NRG1: variants seen among roughly 807,000 people sequenced by gnomAD.
NRG1 encodes the protein pro-neuregulin-1, membrane-bound isoform.
A neutral mutation model predicts 63.8 loss-of-function variants in NRG1; 18 were observed. The observed-to-expected ratio is 0.28, with a 90% confidence interval of 0.19 to 0.42. The LOEUF (loss-of-function observed/expected upper bound fraction) is 0.42, where lower values mean the gene tolerates loss of function less well. Ranked by LOEUF, NRG1 falls within the 10% of genes least tolerant of loss-of-function variation. The pLI, the probability that NRG1 is intolerant of heterozygous loss-of-function variation, is 1.00. For missense variants in NRG1, 762 were observed against 814.7 expected (o/e 0.94, Z 0.79); for synonymous variants, 302 against 301.3 (o/e 1.00, Z -0.02).
chr8:32,234,764 T>G (rs934710236), intron 1 of NRG1, among the ~76,000 whole-genome samples: 1 of 152,108 alleles, frequency 6.6e-6, no homozygotes, highest in African/African-American at 2.4e-5. Flanking sequence ...GGAAATGTGG[T>G]TTTTGTTCCC....
intron 5 of NRG1, among the ~76,000 whole-genome samples, chr8:32,635,653 T>A (rs1162071709): frequency 1.3e-5 from 2 of 152,210 alleles, no homozygotes; most frequent in African/African-American, 4.8e-5. Context: ...ATTCTGTGCA[T>A]GAGATTTCTA....
At chr8:31,697,082 T>C (rs1035620521) in intron 1 of NRG1, among the ~76,000 whole-genome samples, 5 of 152,142 alleles carry the variant, frequency 3.3e-5, no homozygotes, top group Non-Finnish European at 5.9e-5. Flanking sequence ...ATCTGTGAAG[T>C]TTTCTTTTTC....
chr8:31,774,396 C>T (rs910023206), intron 1 of NRG1, among the ~76,000 whole-genome samples: 37 of 152,082 alleles, frequency 2.4e-4, no homozygotes, highest in Non-Finnish European at 4.4e-5. Flanking sequence ...TTCCTGCCTT[C>T]CTGTCTAGAG....
At chr8:32,084,559 T>G (rs1162599017) in intron 1 of NRG1, among the ~76,000 whole-genome samples, 1 of 152,172 alleles carries the variant, frequency 6.6e-6, no homozygotes, top group Non-Finnish European at 1.5e-5. Context: ...CTAATTGAGT[T>G]TTTAAAAAAA....
chr8:31,840,574 C>T lies in NRG1; in HGVS notation c.37+201143C>T, dbSNP rs148742513. On this transcript the variant is annotated intron_variant, in intron 1 of 10. Transcript: ENST00000519301. Reference sequence around the variant, plus strand: ...TCTTACCTCGCACTAGTTAGTTATGCGTGGTACTTGATCCATAATCTTCTG... The same window carrying T: ...TCTTACCTCGCACTAGTTAGTTATGTGTGGTACTTGATCCATAATCTTCTG... Among the ~76,000 whole-genome samples the T allele has an allele frequency of 2.2e-4, 33 of 152,136 alleles. No individual in the cohort carries two copies. In the East Asian group the frequency reaches 5.0e-3, roughly 23 times the overall value.
At chr8:31,804,384 G>T (rs913169936) in intron 1 of NRG1, among the ~76,000 whole-genome samples, 1 of 152,084 alleles carries the variant, frequency 6.6e-6, no homozygotes, top group African/African-American at 2.4e-5. Context: ...CATGCTGGTT[G>T]ATACCCCGAA....
At chr8:31,642,020 C>T (rs940314639) in intron 1 of NRG1, among the ~76,000 whole-genome samples, 1 of 152,136 alleles carries the variant, frequency 6.6e-6, no homozygotes, top group African/African-American at 2.4e-5. Flanking sequence ...GAACAATGTA[C>T]TTTGTATGCC....
At chr8:31,662,947 G>T (rs1806149331) in intron 1 of NRG1, among the ~76,000 whole-genome samples, 1 of 151,884 alleles carries the variant, frequency 6.6e-6, no homozygotes, top group African/African-American at 2.4e-5. Flanking sequence ...TCATTTTTTG[G>T]GGCCCTTCTC....
chr8:31,895,079 T>A (rs1000256461), intron 1 of NRG1, among the ~76,000 whole-genome samples: 1 of 152,250 alleles, frequency 6.6e-6, no homozygotes, highest in Non-Finnish European at 1.5e-5. Flanking sequence ...ACTGCCTGGA[T>A]TTGGCATCAT....
chr8:31,957,870 C>G (rs1474818207), intron 1 of NRG1, among the ~76,000 whole-genome samples: 1 of 152,146 alleles, frequency 6.6e-6, no homozygotes, highest in African/African-American at 2.4e-5. Flanking sequence ...TCTACCCCAT[C>G]AGAGAACATG....
chr8:32,526,587 G>A (rs972657003), intron 1 of NRG1, among the ~76,000 whole-genome samples: 9 of 152,014 alleles, frequency 5.9e-5, no homozygotes, highest in Non-Finnish European at 1.3e-4. Flanking sequence ...TAAACACATG[G>A]GTCCAAGTCT....
At chr8:31,998,930 A>G (rs1812469511) in intron 1 of NRG1, among the ~76,000 whole-genome samples, 1 of 152,048 alleles carries the variant, frequency 6.6e-6, no homozygotes, top group South Asian at 2.1e-4. Flanking sequence ...CTCAAGGGCA[A>G]TGCAGATGAG....
intron 5 of NRG1, among the ~76,000 whole-genome samples, chr8:32,710,166 A>G (rs1346220987): frequency 6.6e-6 from 1 of 152,198 alleles, no homozygotes; most frequent in East Asian, 1.9e-4. Flanking sequence ...TATTTTTAAG[A>G]GTTTCTTGTG....
At chr8:32,180,548 C>G (rs940309204) in intron 1 of NRG1, among the ~76,000 whole-genome samples, 2 of 152,054 alleles carry the variant, frequency 1.3e-5, no homozygotes, top group Admixed American at 1.3e-4. Context: ...CTTATTATTT[C>G]AGTATGTCTG....
At chr8:32,540,558 G>A (rs1563605288) in intron 1 of NRG1, among the ~76,000 whole-genome samples, 1 of 152,186 alleles carries the variant, frequency 6.6e-6, no homozygotes, top group Non-Finnish European at 1.5e-5. Flanking sequence ...AATCTCAGGT[G>A]TACTGAAATA....
chr8:32,040,797 A>C (rs1263628506), intron 1 of NRG1, among the ~76,000 whole-genome samples: 3 of 109,046 alleles, frequency 2.8e-5, no homozygotes, highest in Non-Finnish European at 5.7e-5. Flanking sequence ...TAAATATTAA[A>C]GTTTAGGCTT....
intron 1 of NRG1, among the ~76,000 whole-genome samples, chr8:32,561,110 C>T (rs1836310443): frequency 6.6e-6 from 1 of 152,138 alleles, no homozygotes; most frequent in Non-Finnish European, 1.5e-5. Context: ...ACAACAAGGG[C>T]ATCAATCCTA....
At chr8:32,501,338 A>C (rs1827827789) in intron 1 of NRG1, among the ~76,000 whole-genome samples, 1 of 152,226 alleles carries the variant, frequency 6.6e-6, no homozygotes, top group South Asian at 2.1e-4. Context: ...TGAAAAATCA[A>C]AATCATTATA....
intron 5 of NRG1, among the ~76,000 whole-genome samples, chr8:32,641,509 G>T (rs1165217705): frequency 6.6e-6 from 1 of 152,104 alleles, no homozygotes; most frequent in Non-Finnish European, 1.5e-5. Context: ...AAATTAATAG[G>T]TTCTCCCAAA....
Sources: gnomAD v4.1 joint callset for allele counts (sites outside exome capture counted in the v4.1 genomes callset) on GRCh38, gnomAD v4.1.1 for gene constraint, MANE v1.5 for transcripts, NCBI Gene and HGNC (gene_info 2026-07-23, HGNC 2026-07-21) for gene names.